Variants in COMMD10 observed in about 807,000 individuals in gnomAD.
COMMD10 encodes COMM domain-containing protein 10.
Under a neutral mutation model 28.9 loss-of-function variants are expected in COMMD10, and 33 were observed. The observed-to-expected ratio is 1.14, with a 90% confidence interval of 0.87 to 1.53. The LOEUF (loss-of-function observed/expected upper bound fraction) is 1.53. Ranked by LOEUF, COMMD10 falls within the 40% of genes most tolerant of loss-of-function variation. COMMD10 has a pLI of 0.00. For missense variants in COMMD10, 310 were observed against 233.4 expected, an observed-to-expected ratio of 1.33 and a Z score of -2.14; for synonymous variants, 110 against 81.7, an observed-to-expected ratio of 1.35 and a Z score of -1.87.
At chr5:116,290,433 C>G (rs562427841) in intron 5 of COMMD10, among the ~76,000 whole-genome samples, 2 of 151,894 alleles carry the variant, frequency 1.3e-5, no homozygotes, top group East Asian at 3.9e-4. Context: ...GTACACTTAG[C>G]TTCATGAAGA....
intron 5 of COMMD10, chr5:116,188,379 C>T (rs745862326): frequency 2.0e-5 from 3 of 151,904 alleles, no homozygotes; most frequent in Non-Finnish European, 4.4e-5. Flanking sequence ...CAGTTTTTGC[C>T]TCTGTTCTCC....
At chr5:116,290,128 G>A (rs1242849588) in intron 5 of COMMD10, among the ~76,000 whole-genome samples, 1 of 151,836 alleles carries the variant, frequency 6.6e-6, no homozygotes, top group Non-Finnish European at 1.5e-5. Context: ...TTGGATGGAG[G>A]TGAGAGTGAT....
chr5:116,123,280 G>C (rs944217243), intron 4 of COMMD10, among the ~76,000 whole-genome samples: 2 of 152,018 alleles, frequency 1.3e-5, no homozygotes, highest in Non-Finnish European at 2.9e-5. Flanking sequence ...TAGCATGAAG[G>C]GCTGTTGAAT....
intron 5 of COMMD10, among the ~76,000 whole-genome samples, chr5:116,209,977 C>T (rs1370476947): frequency 6.6e-6 from 1 of 152,128 alleles, no homozygotes; most frequent in Non-Finnish European, 1.5e-5. Flanking sequence ...AATCTGAGAG[C>T]AGGATGCTGG....
At chr5:116,283,152 G>T (rs1751119540) in intron 5 of COMMD10, among the ~76,000 whole-genome samples, 1 of 151,782 alleles carries the variant, frequency 6.6e-6, no homozygotes, top group Non-Finnish European at 1.5e-5. Flanking sequence ...ATGCAATACT[G>T]CAGATGACTC....
chr5:116,189,426 T>C (rs1748271176), intron 5 of COMMD10, among the ~76,000 whole-genome samples: 1 of 152,150 alleles, frequency 6.6e-6, no homozygotes, highest in Non-Finnish European at 1.5e-5. Flanking sequence ...AGGCTGTCTT[T>C]TTTCCAGCAT....
intron 5 of COMMD10, among the ~76,000 whole-genome samples, chr5:116,198,455 A>G (rs1748585036): frequency 6.6e-6 from 1 of 152,184 alleles, no homozygotes; most frequent in Admixed American, 6.6e-5. Context: ...CTATGCATGC[A>G]TAGCCTATCC....
intron 1 of COMMD10, chr5:116,085,360 G>A (rs1021731769): frequency 1.3e-5 from 6 of 455,576 alleles, no homozygotes; most frequent in African/African-American, 6.2e-5. Context: ...GTCTGCAAGC[G>A]TGGGGTCTGC....
At chr5:116,132,541 C>T (rs934112661) in intron 4 of COMMD10, among the ~76,000 whole-genome samples, 2 of 152,110 alleles carry the variant, frequency 1.3e-5, no homozygotes, top group East Asian at 1.9e-4. Context: ...CTTGATATCT[C>T]TCTTCATTAG....
At chr5:116,223,780 T>A (rs1749324001) in intron 5 of COMMD10, among the ~76,000 whole-genome samples, 1 of 152,136 alleles carries the variant, frequency 6.6e-6, no homozygotes, top group Non-Finnish European at 1.5e-5. Context: ...GTGGAGGCAG[T>A]GAGAAGAGGT....
At chr5:116,211,899 G>T (rs972045467) in intron 5 of COMMD10, among the ~76,000 whole-genome samples, 1 of 152,098 alleles carries the variant, frequency 6.6e-6, no homozygotes, top group Admixed American at 6.6e-5. Context: ...ATAGCTAACA[G>T]CACAGACTTG....
At chr5:116,211,787 C>T (rs1457931374) in intron 5 of COMMD10, among the ~76,000 whole-genome samples, 2 of 152,096 alleles carry the variant, frequency 1.3e-5, no homozygotes, top group African/African-American at 2.4e-5. Context: ...CATGCACACG[C>T]ACACTCTCTC....
At chr5:116,257,126 C>T (rs1485887949) in intron 5 of COMMD10, among the ~76,000 whole-genome samples, 1 of 151,596 alleles carries the variant, frequency 6.6e-6, no homozygotes, top group Non-Finnish European at 1.5e-5. Flanking sequence ...AGAAATGGGT[C>T]CTCTAGGGAT....
chr5:116,249,616 T>A (rs1230641840), intron 5 of COMMD10, among the ~76,000 whole-genome samples: 1 of 151,926 alleles, frequency 6.6e-6, no homozygotes, highest in African/African-American at 2.4e-5. Context: ...TTACAAACAT[T>A]TGAATTCTGA....
intron 5 of COMMD10, among the ~76,000 whole-genome samples, chr5:116,206,151 G>C (rs1748808689): frequency 6.6e-6 from 1 of 152,274 alleles, no homozygotes; most frequent in African/African-American, 2.4e-5. Flanking sequence ...TTATGGTGGG[G>C]TATGATTGTG....
chr5:116,213,049 A>G (rs920027809), intron 5 of COMMD10, among the ~76,000 whole-genome samples: 5 of 152,120 alleles, frequency 3.3e-5, no homozygotes, highest in African/African-American at 1.2e-4. Flanking sequence ...ATGATTATCT[A>G]TAAAGATAAT....
intron 5 of COMMD10, among the ~76,000 whole-genome samples, chr5:116,263,307 A>G (rs1750499313): frequency 1.3e-5 from 2 of 151,830 alleles, no homozygotes; most frequent in South Asian, 2.1e-4. Context: ...ATAAATTCTC[A>G]TCAGATGGGT....
At chr5:116,126,744 C>A (rs1392430677) in intron 4 of COMMD10, among the ~76,000 whole-genome samples, 1 of 152,118 alleles carries the variant, frequency 6.6e-6, no homozygotes, top group Admixed American at 6.6e-5. Flanking sequence ...GAAACTGGAT[C>A]CCTTCCTTAC....
intron 5 of COMMD10, among the ~76,000 whole-genome samples, chr5:116,169,512 C>A (rs1418821359): frequency 6.6e-6 from 1 of 152,246 alleles, no homozygotes; most frequent in South Asian, 2.1e-4. Context: ...ATCCTGATAC[C>A]AAAACCTGGC....
Sources: allele counts gnomAD v4.1 joint callset (sites outside exome capture counted in the v4.1 genomes callset), GRCh38; gene constraint gnomAD v4.1.1; transcripts MANE v1.5; gene names NCBI Gene and HGNC (gene_info 2026-07-23, HGNC 2026-07-21).